The following ASXL1 variants were observed in gnomAD, a reference collection of about 807,000 sequenced individuals.
ASXL1 encodes the protein polycomb group protein ASXL1.
In ASXL1, 65 loss-of-function variants were observed where a neutral mutation model predicts 89.1. The ratio of observed to expected loss-of-function variants is 0.73; its 90% CI spans 0.60 to 0.90. The LOEUF is 0.90. ASXL1 is among the 40% of genes least tolerant of loss of function. ASXL1 has a pLI of 0.00. For synonymous variants in ASXL1, 739 were observed against 746.9 expected, an observed-to-expected ratio of 0.99 and a Z score of 0.17; for missense variants, 1,786 against 1,942.9, an observed-to-expected ratio of 0.92 and a Z score of 1.52.
At chr20:32,434,333 G>C in intron 12 of ASXL1, 99 bp from the exon 13 acceptor site, 1 of 1,406,020 alleles carries the variant, frequency 7.1e-7, no homozygotes, top group Non-Finnish European at 1.0e-6. Flanking sequence ...GATTCTGTAT[G>C]CCATGACCCT....
At chr20:32,377,648 GTTGT>G (rs1337370437) in intron 4 of ASXL1, among the ~76,000 whole-genome samples, 3 of 152,002 alleles carry the variant, frequency 2.0e-5, no homozygotes, top group African/African-American at 4.8e-5. Flanking sequence ...ATGAAACAAA[GTTGT>G]TTGTTTTCTT....
rs1600583021 is a variant in ASXL1 at position 32,433,560 on chromosome 20, T to G, written c.1362T>G (p.Ala454=). ...SDVPLYKDGE[A]KTDPAGLSSP... is the part of the protein sequence containing the mutation. ...TTCCCCTCTACAAGGATGGGGAGGC[T>G]AAGACTGACCCAGCAGGGCTGAGCA... The change falls in exon 12 of 13, where the codon GCT becomes GCG. Residue 454 remains alanine, a synonymous_variant. Coordinates refer to ENST00000375687, the MANE Select transcript of ASXL1 (RefSeq NM_015338.6). 6.2e-7 allele frequency: 1 copy of G among 1,614,132 alleles called. No individual in the cohort carries two copies. The highest frequency in any genetic ancestry group is 2.2e-5 in the East Asian group (1 of 44,886).
At chr20:32,385,081 G>A (rs1300772977) in intron 4 of ASXL1, among the ~76,000 whole-genome samples, 3 of 152,152 alleles carry the variant, frequency 2.0e-5, no homozygotes, top group Non-Finnish European at 2.9e-5. Context: ...TTTAGTCTAA[G>A]AAAGTTGCTT....
At chr20:32,400,693 A>T (rs545733061) in intron 4 of ASXL1, among the ~76,000 whole-genome samples, 265 of 152,334 alleles carry the variant, frequency 1.7e-3, no homozygotes, top group Non-Finnish European at 3.0e-3. Context: ...GTATTGTCCC[A>T]TGAATTCTAG....
At chr20:32,415,491 A>G (rs970325197) in intron 4 of ASXL1, among the ~76,000 whole-genome samples, 1 of 152,182 alleles carries the variant, frequency 6.6e-6, no homozygotes, top group African/African-American at 2.4e-5. Flanking sequence ...TAGGGACAGG[A>G]AGGAGACCTG....
chr20:32,425,269 TTTGA>T (rs1366526276), intron 4 of ASXL1, among the ~76,000 whole-genome samples: 1 of 152,372 alleles, frequency 6.6e-6, no homozygotes, highest in East Asian at 1.9e-4. Flanking sequence ...TGGCAGCCAC[TTTGA>T]TTGTTTATAA....
At chr20:32,362,770 T>C (rs149657878) in intron 1 of ASXL1, among the ~76,000 whole-genome samples, 3 of 152,348 alleles carry the variant, frequency 2.0e-5, no homozygotes, top group Admixed American at 6.5e-5. Flanking sequence ...TGAAAAATAG[T>C]CTTTCTTTCA....
At position 32,437,618 on chromosome 20, in the gene ASXL1, G is replaced by T. The variant is rs951277192; in HGVS notation, c.*280G>T. The T allele has an allele frequency of 8.1e-6, 4 of 494,846 alleles. No individual in the cohort carries two copies. Among genetic ancestry groups the T allele is most frequent in the South Asian group, 4.7e-5 (2 of 42,600 alleles). 30.7% of individuals were successfully genotyped at this position (494,846 alleles called of 1,614,324 possible). On this transcript the variant is annotated 3_prime_UTR_variant, in exon 13 of 13. Transcript: ENST00000375687. ...GATGTGGCACGGAGTGGGGTTGCGG[G>T]GGGTGGGGGGACTGCCTGACTCCCA...
At chr20:32,378,899 G>A (rs1471813778) in intron 4 of ASXL1, among the ~76,000 whole-genome samples, 2 of 151,744 alleles carry the variant, frequency 1.3e-5, no homozygotes, top group East Asian at 1.9e-4. Context: ...AGGCGGAGGC[G>A]GGCGGATCAC....
rs1376615013 is a variant in ASXL1 at position 32,369,080 on chromosome 20, T to G, written c.209T>G (p.Leu70Trp). ...LHSNSRGGEG[L>W]FYKLPGRISL... The stretch of plus-strand genomic sequence containing the variant: ...TCCAATTCAAGAGGAGGAGAGGGGT[T>G]GTTTTATAAACTGCCTGGCCGAATC... Residue 70 changes from leucine (L) to tryptophan (W), a missense_variant, in exon 4 of 13, where the codon TTG (leucine) becomes TGG (tryptophan). Physicochemically the swap from Leu to Trp is moderately conservative, Grantham distance 61. Around this residue, in one of 3 missense-constraint regions of ASXL1, gnomAD observed 332 missense variants for 449.7 expected, o/e 0.74. Transcript: ENST00000375687. 3 of 1,613,950 alleles carry G rather than the reference T, an allele frequency of 1.9e-6. No individual in the cohort carries two copies. The highest frequency in any genetic ancestry group is 1.3e-5 in the African/African-American group (1 of 75,038).
At position 32,437,297 on chromosome 20, in the gene ASXL1, G is replaced by A; in HGVS notation, c.4585G>A (p.Gly1529Arg). The change falls in exon 13 of 13, where the codon GGA (glycine) becomes AGA (arginine). Residue 1529 changes from glycine to arginine, a missense_variant. Gly to Arg is a moderately radical substitution (Grantham distance 125). This residue lies in a region of ASXL1 where 36 missense variants were observed against 65.5 expected (regional missense o/e 0.55). Transcript: ENST00000375687. ...CGAFCHDDCI[G>R]PSKLCVLCLV... is the part of the protein sequence containing the mutation. Reference sequence around the variant, plus strand: ...TGCGTTCTGTCACGATGACTGTATTGGACCCTCAAAGCTCTGTGTATTGTG... The same window carrying A: ...TGCGTTCTGTCACGATGACTGTATTAGACCCTCAAAGCTCTGTGTATTGTG... 6.2e-7 allele frequency: 1 copy of A among 1,614,124 alleles called. No individual in the cohort carries two copies. Among genetic ancestry groups the A allele is most frequent in the Non-Finnish European group, 8.5e-7 (1 of 1,180,036 alleles).
At chr20:32,411,254 C>T (rs1399933504) in intron 4 of ASXL1, among the ~76,000 whole-genome samples, 3 of 101,330 alleles carry the variant, frequency 3.0e-5, no homozygotes, top group African/African-American at 7.5e-5. Context: ...GATGGAGTCT[C>T]ATGCGCTCTG....
chr20:32,422,051 T>G (rs1019011482), intron 4 of ASXL1, among the ~76,000 whole-genome samples: 7 of 150,432 alleles, frequency 4.7e-5, no homozygotes, highest in African/African-American at 9.7e-5. Flanking sequence ...TTTTTTTTTT[T>G]TGTATTTTTA....
chr20:32,396,423 T>A (rs905000262), intron 4 of ASXL1, among the ~76,000 whole-genome samples: 1 of 152,220 alleles, frequency 6.6e-6, no homozygotes, highest in South Asian at 2.1e-4. Context: ...TTTTTAGCTT[T>A]GTTAGGTGGG....
At chr20:32,403,645 G>A (rs2048911171) in intron 4 of ASXL1, among the ~76,000 whole-genome samples, 1 of 152,122 alleles carries the variant, frequency 6.6e-6, no homozygotes, top group South Asian at 2.1e-4. Context: ...AAACACCTGG[G>A]CTCAAGTGAT....
At chr20:32,408,426 C>T (rs2048991816) in intron 4 of ASXL1, among the ~76,000 whole-genome samples, 1 of 152,174 alleles carries the variant, frequency 6.6e-6, no homozygotes, top group Admixed American at 6.5e-5. Context: ...ATTAATCTAT[C>T]TATTTTTATA....
At chr20:32,422,730 G>A (rs2011176821) in intron 4 of ASXL1, among the ~76,000 whole-genome samples, 1 of 151,278 alleles carries the variant, frequency 6.6e-6, no homozygotes, top group South Asian at 2.1e-4. Flanking sequence ...GGGATTACAA[G>A]CGTGCACCAC....
chr20:32,359,695 AT>A, intron 1 of ASXL1: 1 of 717,926 alleles, frequency 1.4e-6, no homozygotes, highest in Non-Finnish European at 2.6e-6. Context: ...TTCACTGAGG[AT>A]TTAGCAAGGG....
At chr20:32,385,809 A>G (rs2048570126) in intron 4 of ASXL1, among the ~76,000 whole-genome samples, 1 of 152,192 alleles carries the variant, frequency 6.6e-6, no homozygotes, top group Admixed American at 6.5e-5. Context: ...ATTATAACAG[A>G]TCTATGTTTG....
Sources: allele counts gnomAD v4.1 joint callset (sites outside exome capture counted in the v4.1 genomes callset), GRCh38; gene constraint gnomAD v4.1.1; regional missense constraint gnomAD v4.1.1; transcripts MANE v1.5; gene names NCBI Gene and HGNC (gene_info 2026-07-23, HGNC 2026-07-21).